Variants in ARHGAP17 observed in about 807,000 individuals in gnomAD.
ARHGAP17 encodes rho GTPase-activating protein 17.
ARHGAP17 carries 57 observed loss-of-function variants against 99.5 expected under a neutral mutation model. The observed-to-expected ratio is 0.57, with a 90% CI of 0.46 to 0.71. The LOEUF is 0.71. Among genes scored for constraint, ARHGAP17 ranks in the 30% least tolerant of loss-of-function variants. ARHGAP17 has a pLI of 0.00. For missense variants in ARHGAP17, 1,000 were observed against 1,122.4 expected (o/e 0.89, Z 1.56); for synonymous variants, 417 against 429.6 (o/e 0.97, Z 0.36).
intron 14 of ARHGAP17, 72 bp from the exon 15 acceptor site, chr16:24,943,934 C>A: frequency 1.5e-6 from 2 of 1,304,034 alleles, no homozygotes; most frequent in African/African-American, 1.5e-5. Flanking sequence ...TGTGTCAGGG[C>A]AATTCAATTA....
Position 24,935,178 on chromosome 16 carries a change from TC to T in ARHGAP17, c.1894+291del, listed in dbSNP as rs146860036. 6.0e-3 allele frequency among the ~76,000 whole-genome samples: 911 copies of T among 152,300 alleles called. 9 individuals carry two copies. The highest frequency in any genetic ancestry group is 0.021 in the African/African-American group (855 of 41,566). Reference sequence around the variant, plus strand: ...GAGAAGTACAGAGGCTGTGGTAGTCTCCAAACAGAGCGAGGGCTTGGGACAC... The same window carrying T: ...GAGAAGTACAGAGGCTGTGGTAGTCTCAAACAGAGCGAGGGCTTGGGACAC... On this transcript the variant is annotated intron_variant, in intron 18 of 19. Transcript: ENST00000289968.
chr16:25,002,247 G>T (rs1186537662), intron 1 of ARHGAP17, among the ~76,000 whole-genome samples: 1 of 152,138 alleles, frequency 6.6e-6, no homozygotes, highest in Non-Finnish European at 1.5e-5. Flanking sequence ...TGTTCCCTAT[G>T]TAAATAACAT....
chr16:24,939,329 C>T (rs905163942), intron 17 of ARHGAP17, 35 bp downstream of exon 17: 4 of 1,544,892 alleles, frequency 2.6e-6, no homozygotes, highest in Non-Finnish European at 2.6e-6. Context: ...CTGGGGCGTC[C>T]AGCCTCCACT....
intron 1 of ARHGAP17, among the ~76,000 whole-genome samples, chr16:24,990,486 A>G (rs781507557): frequency 7.1e-5 from 9 of 126,626 alleles, no homozygotes; most frequent in Non-Finnish European, 1.1e-4. Context: ...ATCTTGTCTC[A>G]AAAAAAAAAA....
chr16:25,010,054 G>C (rs2053603326), intron 1 of ARHGAP17, among the ~76,000 whole-genome samples: 1 of 151,840 alleles, frequency 6.6e-6, no homozygotes, highest in South Asian at 2.1e-4. Flanking sequence ...TGCAAACTTA[G>C]AAAGTCAGGT....
chr16:24,991,908 C>T lies in ARHGAP17; in HGVS notation c.54-12903G>A, dbSNP rs183573810. Among the ~76,000 whole-genome samples the T allele has an allele frequency of 4.5e-3, 684 of 152,288 alleles. 9 individuals are homozygous for T. The highest frequency in any genetic ancestry group is 6.5e-3 in the Non-Finnish European group (443 of 68,020). On this transcript the variant is annotated intron_variant, in intron 1 of 19. Transcript: ENST00000289968. ...GGAGACAGAAATGATACAGTCCCCACCCTTGAGGAGCTCATGAGAAAAAAA... is the reference window on the plus strand; with the variant it reads ...GGAGACAGAAATGATACAGTCCCCATCCTTGAGGAGCTCATGAGAAAAAAA...
At position 24,949,468 on chromosome 16, in the gene ARHGAP17, T is replaced by C; in HGVS notation, c.1063A>G (p.Lys355Glu). The change falls in exon 13 of 20, where the codon AAA becomes GAA. Residue 355 changes from lysine to glutamate, a missense_variant. Coordinates refer to ENST00000289968, the MANE Select transcript of ARHGAP17 (RefSeq NM_001006634.3). ...TQVASVQDQD[K>E]KLQDLWRTCQ... is the part of the protein sequence containing the mutation. ...GTTCTCCACAAGTCTTGAAGTTTTT[T>C]GTCTTGATCCTGCACACTGAGAACA... 6.2e-7 allele frequency: 1 copy of C among 1,613,884 alleles called. No homozygotes were observed. Among genetic ancestry groups the C allele is most frequent in the East Asian group, 2.2e-5 (1 of 44,852 alleles).
intron 6 of ARHGAP17, among the ~76,000 whole-genome samples, chr16:24,965,053 T>C (rs1043922562): frequency 2.6e-5 from 4 of 152,348 alleles, no homozygotes; most frequent in African/African-American, 4.8e-5. Flanking sequence ...GAAATAATCA[T>C]AGAAAACAAT....
At chr16:25,014,941 A>C (rs2053743280) in intron 1 of ARHGAP17, among the ~76,000 whole-genome samples, 1 of 151,960 alleles carries the variant, frequency 6.6e-6, no homozygotes, top group Admixed American at 6.5e-5. Context: ...GACAATGGGC[A>C]GGGGACCCCG....
At chr16:24,975,457 A>C (rs760905168) in intron 3 of ARHGAP17, among the ~76,000 whole-genome samples, 2 of 152,192 alleles carry the variant, frequency 1.3e-5, no homozygotes, top group Non-Finnish European at 2.9e-5. Context: ...AGGCAACAGA[A>C]GGACAAGGAG....
At chr16:25,003,501 A>G (rs1225170070) in intron 1 of ARHGAP17, among the ~76,000 whole-genome samples, 1 of 152,108 alleles carries the variant, frequency 6.6e-6, no homozygotes, top group East Asian at 1.9e-4. Flanking sequence ...GCCATGAGCC[A>G]CCATGCCTGG....
intron 1 of ARHGAP17, among the ~76,000 whole-genome samples, chr16:25,007,775 T>C (rs563493104): frequency 6.6e-6 from 1 of 152,334 alleles, no homozygotes; most frequent in African/African-American, 2.4e-5. Context: ...ACAGTGGGTT[T>C]TTTTCTTTTT....
At chr16:24,923,143 G>T (rs8044925) in intron 19 of ARHGAP17, among the ~76,000 whole-genome samples, 21,212 of 152,238 alleles carry the variant, frequency 0.14, 4,744 homozygotes, top group African/African-American at 0.47. Flanking sequence ...GACACAGCCA[G>T]TGTGGACCAA....
Position 24,959,994 on chromosome 16 carries a change from G to A in ARHGAP17, c.574-15C>T, listed in dbSNP as rs576078543. The A allele has an allele frequency of 4.3e-6, 7 of 1,612,996 alleles. No individual in the cohort carries two copies. In the South Asian group the frequency reaches 6.6e-5, roughly 15 times the overall value. On this transcript the variant is annotated splice_polypyrimidine_tract_variant and intron_variant, in intron 7 of 19. Transcript: ENST00000289968. ...GCAAGTTGATCCTGGGTAAATGGAAGATAAGAGGTTATTGAAGAAAAAAGA... is the reference window on the plus strand; with the variant it reads ...GCAAGTTGATCCTGGGTAAATGGAAAATAAGAGGTTATTGAAGAAAAAAGA...
At position 24,942,108 on chromosome 16, in the gene ARHGAP17, G is replaced by A; in HGVS notation, c.1369C>T (p.Leu457Phe). The stretch of plus-strand genomic sequence containing the variant: ...GAGTGATTAGAACTCGGGGTGGTGA[G>A]AGGTACAAATGCTTCTGATACATTA... The part of the protein sequence containing the change: ...EFNVSEAFVP[L>F]TTPSSNHSFH... The change falls in exon 16 of 20, where the codon CTC becomes TTC. Residue 457 changes from leucine (L) to phenylalanine (F), a missense_variant. Physicochemically the swap from Leu to Phe is conservative, Grantham distance 22. Coordinates refer to ENST00000289968, the MANE Select transcript of ARHGAP17 (RefSeq NM_001006634.3). 6.2e-7 allele frequency: 1 copy of A among 1,613,948 alleles called. No individual in the cohort carries two copies. The highest frequency in any genetic ancestry group is 8.5e-7 in the Non-Finnish European group (1 of 1,179,904).
chr16:24,987,452 A>C (rs1281032674), intron 1 of ARHGAP17, among the ~76,000 whole-genome samples: 2 of 152,194 alleles, frequency 1.3e-5, no homozygotes, highest in Non-Finnish European at 2.9e-5. Context: ...TCCCAAATCC[A>C]AATTCTTCTT....
intron 1 of ARHGAP17, among the ~76,000 whole-genome samples, chr16:24,995,982 C>T (rs957655769): frequency 2.0e-5 from 3 of 152,130 alleles, no homozygotes; most frequent in Non-Finnish European, 4.4e-5. Context: ...CCCGCCTCAA[C>T]CTCTCCAGTA....
rs753458280 is a variant in ARHGAP17, at chr16:24,920,254, T to C, written c.2522A>G (p.Asn841Ser). The change falls in exon 20 of 20, where the codon AAT becomes AGT. Residue 841 changes from asparagine to serine, a missense_variant. Transcript: ENST00000289968. The part of the protein sequence containing the change: ...PTASKIVTDS[N>S]SRVSEPHRSI... ...GCGATGCGGTTCTGAAACCCTGGAA[T>C]TGGAGTCTGGACAAAAACACGAGGA... is the stretch of plus-strand genomic sequence containing the variant. 3 of 1,613,748 alleles carry C rather than the reference T, an allele frequency of 1.9e-6. No homozygotes were observed. Among genetic ancestry groups the C allele is most frequent in the Non-Finnish European group, 2.5e-6 (3 of 1,179,870 alleles).
In ARHGAP17 at chr16:24,968,746, G is replaced by C; in HGVS notation, c.299C>G (p.Ala100Gly). 2.5e-6 allele frequency: 4 copies of C among 1,614,164 alleles called. No homozygotes were observed. The South Asian group carries it at 3.3e-5, about 13-fold the overall frequency. ...LGKMLETCGD[A>G]ENQLALELSQ... is the part of the protein sequence containing the mutation. ...GAGCTCGAGAGCCAGCTGATTCTCA[G>C]CATCTCCACACGTCTCCAGCATCTT... The change falls in exon 5 of 20, where the codon GCT becomes GGT. Residue 100 changes from alanine to glycine, a missense_variant. Around this residue, in one of 2 missense-constraint regions of ARHGAP17, gnomAD observed 472 missense variants for 611.1 expected, o/e 0.77. Transcript: ENST00000289968.
Sources: allele counts gnomAD v4.1 joint callset (sites outside exome capture counted in the v4.1 genomes callset), GRCh38; gene constraint gnomAD v4.1.1; regional missense constraint gnomAD v4.1.1; transcripts MANE v1.5; gene names NCBI Gene and HGNC (gene_info 2026-07-23, HGNC 2026-07-21).